The following ART3 variants were observed in gnomAD, a reference collection of about 807,000 sequenced individuals.
The protein encoded by ART3 is ecto-ADP-ribosyltransferase 3.
Under a neutral mutation model 48.5 loss-of-function variants are expected in ART3, and 49 were observed. That is an observed-to-expected ratio of 1.01 (90% CI 0.80 to 1.28). ART3 has a LOEUF of 1.28. Among genes scored for constraint, ART3 ranks in the 50% most tolerant of loss-of-function variants. The probability of loss-of-function intolerance (pLI) is 0.00; values close to 1 mark genes in which losing one functional copy is unlikely to be tolerated. For synonymous variants in ART3, 145 were observed against 157.2 expected (o/e 0.92, Z 0.58); for missense variants, 438 against 454.3 (o/e 0.96, Z 0.33).
At chr4:76,044,193 T>C (rs1735269295) in intron 1 of ART3, among the ~76,000 whole-genome samples, 1 of 152,066 alleles carries the variant, frequency 6.6e-6, no homozygotes, top group African/African-American at 2.4e-5. Flanking sequence ...GAAGCCATGT[T>C]GCCCAACTCC....
chr4:76,040,437 T>TACACACACACACACACACACACACAC (rs748020159), intron 1 of ART3, among the ~76,000 whole-genome samples: 1 of 88,484 alleles, frequency 1.1e-5, no homozygotes, highest in Non-Finnish European at 2.2e-5. Flanking sequence ...ATACACTGGA[T>TACACACACACACACACACACACACAC]ACACACACAC....
chr4:76,097,716 T>G (rs766332049), intron 4 of ART3, 40 bp downstream of exon 4: 1 of 1,520,644 alleles, frequency 6.6e-7, no homozygotes, highest in East Asian at 2.3e-5. Flanking sequence ...AATAGGAATT[T>G]TATCAGTTAC....
intron 1 of ART3, among the ~76,000 whole-genome samples, chr4:76,050,639 C>T (rs574416451): frequency 2.6e-4 from 39 of 152,348 alleles, no homozygotes; most frequent in South Asian, 2.3e-3. Flanking sequence ...GCCTGCCAGT[C>T]CCGGTGCTGT....
chr4:76,079,045 C>T (rs553440533), intron 2 of ART3, among the ~76,000 whole-genome samples: 4 of 152,156 alleles, frequency 2.6e-5, no homozygotes, highest in African/African-American at 9.6e-5. Context: ...AGTGCCACTG[C>T]ACTCCAGCCT....
At chr4:76,110,581 A>T (rs899785204) in intron 11 of ART3, among the ~76,000 whole-genome samples, 12 of 62,496 alleles carry the variant, frequency 1.9e-4, no homozygotes, top group Admixed American at 1.5e-4. Context: ...AAAAATTGCT[A>T]AAAAAAAATG....
At chr4:76,035,426 G>C in intron 1 of ART3, 1 of 1,393,118 alleles carries the variant, frequency 7.2e-7, no homozygotes, top group South Asian at 1.3e-5. Context: ...AACGTGAGCA[G>C]AATTTTCATT....
chr4:76,050,867 G>T (rs1736004094), intron 1 of ART3, among the ~76,000 whole-genome samples: 1 of 152,228 alleles, frequency 6.6e-6, no homozygotes, highest in Non-Finnish European at 1.5e-5. Context: ...ACTGCTGGGG[G>T]ACCCAGTACA....
At chr4:76,018,692 T>C (rs1732487214) in intron 1 of ART3, among the ~76,000 whole-genome samples, 1 of 152,190 alleles carries the variant, frequency 6.6e-6, no homozygotes, top group South Asian at 2.1e-4. Flanking sequence ...TACTGTATTT[T>C]ACATTGCCAT....
chr4:76,058,298 A>G (rs1014285126), intron 1 of ART3, among the ~76,000 whole-genome samples: 3 of 152,206 alleles, frequency 2.0e-5, no homozygotes, highest in African/African-American at 7.2e-5. Context: ...AAAATTGAAG[A>G]AAGAGTACAA....
At chr4:76,054,753 G>A (rs954622664) in intron 1 of ART3, among the ~76,000 whole-genome samples, 10 of 152,132 alleles carry the variant, frequency 6.6e-5, no homozygotes, top group African/African-American at 2.2e-4. Flanking sequence ...AGGATCACTT[G>A]AGCCCAGGAG....
chr4:76,053,211 C>A (rs1736303479), intron 1 of ART3, among the ~76,000 whole-genome samples: 1 of 152,172 alleles, frequency 6.6e-6, no homozygotes, highest in Admixed American at 6.5e-5. Flanking sequence ...CAGGTTATCT[C>A]TATCTTGTCA....
intron 1 of ART3, chr4:76,036,966 G>T: frequency 5.5e-6 from 1 of 181,094 alleles, no homozygotes. Context: ...TAGTGAGTTT[G>T]GTCAGGCGCC....
At chr4:76,093,972 A>G (rs1320016389) in intron 3 of ART3, among the ~76,000 whole-genome samples, 2 of 152,152 alleles carry the variant, frequency 1.3e-5, no homozygotes, top group African/African-American at 2.4e-5. Context: ...TTAGGTTTAG[A>G]TTAGGTTTTG....
chr4:76,092,923 A>G (rs1264012972), intron 3 of ART3, among the ~76,000 whole-genome samples: 1 of 152,234 alleles, frequency 6.6e-6, no homozygotes, highest in Non-Finnish European at 1.5e-5. Flanking sequence ...TAATGGTTTA[A>G]AACAACACAT....
chr4:76,055,485 A>T (rs575824990), intron 1 of ART3, among the ~76,000 whole-genome samples: 2 of 152,340 alleles, frequency 1.3e-5, no homozygotes, highest in South Asian at 4.1e-4. Context: ...CACTTAACAC[A>T]TTTAGTTAAG....
chr4:76,011,236 TC>T (rs1339833592), exon 1 of ART3: 1 of 152,566 alleles, frequency 6.6e-6, no homozygotes, highest in Non-Finnish European at 1.5e-5. Flanking sequence ...CGACGCTCGC[TC>T]GTGCTGCTCG....
intron 1 of ART3, among the ~76,000 whole-genome samples, chr4:76,016,963 G>A (rs746346000): frequency 1.3e-4 from 19 of 151,336 alleles, no homozygotes; most frequent in Non-Finnish European, 2.4e-4. Flanking sequence ...TGGGACTCAC[G>A]TTTCAGGGCA....
At chr4:76,018,902 G>C (rs568668877) in intron 1 of ART3, among the ~76,000 whole-genome samples, 1 of 152,096 alleles carries the variant, frequency 6.6e-6, no homozygotes, top group Non-Finnish European at 1.5e-5. Context: ...TTTAGCTGGC[G>C]TGGTGGCACA....
upstream of ART3, among the ~76,000 whole-genome samples, chr4:76,071,707 C>G (rs1485352711): frequency 2.0e-5 from 3 of 152,154 alleles, no homozygotes. Context: ...TAAGTATTTT[C>G]TTCACTTGAG....
Sources: allele counts gnomAD v4.1 joint callset (sites outside exome capture counted in the v4.1 genomes callset), GRCh38; gene constraint gnomAD v4.1.1; transcripts MANE v1.5; gene names NCBI Gene and HGNC (gene_info 2026-07-23, HGNC 2026-07-21).